CDH13: variants seen among roughly 807,000 people sequenced by gnomAD.
The protein encoded by CDH13 is cadherin 13.
A neutral mutation model predicts 63.8 loss-of-function variants in CDH13; 24 were observed. That is an observed-to-expected ratio of 0.38 (90% CI 0.27 to 0.53). The LOEUF is 0.53. Among genes scored for constraint, CDH13 ranks in the 20% least tolerant of loss-of-function variants. CDH13 has a pLI of 0.85. For missense variants in CDH13, 1,049 were observed against 903.1 expected, an observed-to-expected ratio of 1.16 and a Z score of -2.07; for synonymous variants, 503 against 355.3, an observed-to-expected ratio of 1.42 and a Z score of -4.67.
At chr16:83,026,078 C>T (rs900319482) in intron 2 of CDH13, among the ~76,000 whole-genome samples, 1 of 152,194 alleles carries the variant, frequency 6.6e-6, no homozygotes, top group Admixed American at 6.5e-5. Context: ...TATACAAAGA[C>T]CCAATTATGC....
intron 1 of CDH13, among the ~76,000 whole-genome samples, chr16:82,739,057 C>G (rs79265754): frequency 0.014 from 2,176 of 152,310 alleles, 49 homozygotes; most frequent in African/African-American, 0.05. Context: ...AATCCTTGCT[C>G]TTCCCCACCC....
At chr16:83,753,096 C>T (rs957198407) in intron 11 of CDH13, among the ~76,000 whole-genome samples, 4 of 152,148 alleles carry the variant, frequency 2.6e-5, no homozygotes, top group Non-Finnish European at 4.4e-5. Flanking sequence ...ATAATAATCT[C>T]GAACAAGACC....
At chr16:83,774,526 T>G (rs193131128) in intron 11 of CDH13, among the ~76,000 whole-genome samples, 1 of 152,008 alleles carries the variant, frequency 6.6e-6, no homozygotes, top group Non-Finnish European at 1.5e-5. Context: ...GCACGTGCCA[T>G]CATGCCCAGC....
Position 82,644,553 on chromosome 16 carries a change from A to C in CDH13, c.45+17416A>C, listed in dbSNP as rs1482424775. ...CTGGTCCCCAGACCAGGCCCAGTGC[A>C]CGAGTTTGGGTGCTGGAAGGGGAGG... On this transcript the variant is annotated intron_variant, in intron 1 of 13. Transcript: ENST00000567109. This position sits in a 1 kb window ranked among gnomAD's most constrained non-coding sequence, Gnocchi z 5.7. Among the ~76,000 whole-genome samples the C allele has an allele frequency of 6.6e-6, 1 of 152,206 alleles. No individual in the cohort carries two copies. The highest frequency in any genetic ancestry group is 2.4e-5 in the African/African-American group (1 of 41,462).
rs34536219 is a variant in CDH13 at position 83,077,186 on chromosome 16, C to CTTTTTTTTTTTTTTTTTTTTTTTTTTTT, written c.366+44992_366+44993insTTTTTTTTTTTTTTTTTTTTTTTTTTTT. Among the ~76,000 whole-genome samples the CTTTTTTTTTTTTTTTTTTTTTTTTTTTT allele has an allele frequency of 1.3e-3, 78 of 59,176 alleles. 1 individual carries two copies. Among genetic ancestry groups the CTTTTTTTTTTTTTTTTTTTTTTTTTTTT allele is most frequent in the Non-Finnish European group, 1.8e-3 (60 of 33,910 alleles). 38.8% of individuals were successfully genotyped at this position (59,176 alleles called of 152,430 possible). Reference sequence around the variant, plus strand: ...TCTTTTCTTTTCTTTTTTTTCTTTTCTTTTTTTTTTTTTTTTTTTTTTTTG... The same window carrying CTTTTTTTTTTTTTTTTTTTTTTTTTTTT: ...TCTTTTCTTTTCTTTTTTTTCTTTTCTTTTTTTTTTTTTTTTTTTTTTTTTTTTTTTTTTTTTTTTTTTTTTTTTTTTG... On this transcript the variant is annotated intron_variant, in intron 3 of 13. Coordinates refer to ENST00000567109, the MANE Select transcript of CDH13 (RefSeq NM_001257.5).
At position 83,725,136 on chromosome 16, in the gene CDH13, G is replaced by C. The variant is rs117283121; in HGVS notation, c.1539-22972G>C. 4.4e-3 allele frequency among the ~76,000 whole-genome samples: 673 copies of C among 152,320 alleles called. 18 individuals carry two copies. The East Asian group carries it at 0.045, about 10-fold the overall frequency. ...AAAACACTACAATATAACAGCAGCA[G>C]AGAGAAAGGCACATCAGTCAAAGTC... On this transcript the variant is annotated intron_variant, in intron 10 of 13. Coordinates refer to ENST00000567109, the MANE Select transcript of CDH13 (RefSeq NM_001257.5).
At chr16:83,624,387 G>A (rs1431545379) in intron 8 of CDH13, among the ~76,000 whole-genome samples, 1 of 147,816 alleles carries the variant, frequency 6.8e-6, no homozygotes, top group East Asian at 2.0e-4. Flanking sequence ...TTGGCACCAG[G>A]GACCGGTTTC....
At chr16:83,272,979 T>C (rs1488309242) in intron 5 of CDH13, among the ~76,000 whole-genome samples, 1 of 151,900 alleles carries the variant, frequency 6.6e-6, no homozygotes, top group Admixed American at 6.6e-5. Flanking sequence ...AAGCACAATC[T>C]GCTCAGATAA....
intron 10 of CDH13, among the ~76,000 whole-genome samples, chr16:83,714,569 C>G (rs1908604690): frequency 1.3e-5 from 2 of 152,138 alleles, no homozygotes; most frequent in Admixed American, 6.5e-5. Context: ...AAGCTAAAGA[C>G]TTTTACCTAT....
intron 1 of CDH13, among the ~76,000 whole-genome samples, chr16:82,668,967 G>C (rs1912924165): frequency 6.6e-6 from 1 of 152,198 alleles, no homozygotes; most frequent in Admixed American, 6.5e-5. Flanking sequence ...CTAGGGGGCT[G>C]CCCCGGTGTA....
intron 5 of CDH13, among the ~76,000 whole-genome samples, chr16:83,233,574 T>C (rs1274739457): frequency 2.0e-5 from 3 of 152,140 alleles, no homozygotes; most frequent in Middle Eastern, 3.2e-3. Flanking sequence ...AGCATCATTC[T>C]CCGACCTTTT....
At chr16:82,642,144 G>A (rs749718138) in intron 1 of CDH13, among the ~76,000 whole-genome samples, 33 of 150,340 alleles carry the variant, frequency 2.2e-4, no homozygotes, top group African/African-American at 4.9e-4. Flanking sequence ...TTCACTAGTC[G>A]GGGCCCACTG....
intron 7 of CDH13, among the ~76,000 whole-genome samples, chr16:83,571,940 C>T (rs565006849): frequency 2.0e-5 from 3 of 152,076 alleles, no homozygotes; most frequent in Non-Finnish European, 4.4e-5. Flanking sequence ...CTGTCATTTC[C>T]TCTGGACTAA....
chr16:83,707,716 A>G (rs919101029), intron 10 of CDH13, among the ~76,000 whole-genome samples: 5 of 151,942 alleles, frequency 3.3e-5, no homozygotes, highest in Non-Finnish European at 5.9e-5. Context: ...TGGCCGTTCA[A>G]TAAAAAGTCA....
At chr16:83,247,347 G>T (rs185385781) in intron 5 of CDH13, among the ~76,000 whole-genome samples, 65 of 152,302 alleles carry the variant, frequency 4.3e-4, no homozygotes, top group Admixed American at 7.2e-4. Context: ...CAGTGGCTGA[G>T]TTGCAAAGAG....
intron 5 of CDH13, among the ~76,000 whole-genome samples, chr16:83,235,910 A>G (rs1019479478): frequency 3.9e-5 from 6 of 152,188 alleles, no homozygotes; most frequent in Non-Finnish European, 7.3e-5. Context: ...CTAAAGGATT[A>G]AAATATTTTC....
chr16:83,703,272 T>A (rs891152273), intron 10 of CDH13, among the ~76,000 whole-genome samples: 6 of 152,170 alleles, frequency 3.9e-5, no homozygotes, highest in Non-Finnish European at 1.5e-5. Flanking sequence ...GGAATATATC[T>A]CGAAATAATC....
Position 83,632,341 on chromosome 16 carries a change from T to C in CDH13, c.1101+29747T>C, listed in dbSNP as rs139619815. Among the ~76,000 whole-genome samples, 1,243 of 151,834 alleles carry C rather than the reference T, an allele frequency of 8.2e-3. 9 individuals are homozygous for C. Among genetic ancestry groups the C allele is most frequent in the Middle Eastern group, 0.037 (11 of 294 alleles). ...TCCATCAGTCAGCCCCTCTTAGGTA[T>C]TGCACAAGTTCCTTAGATGCTTTGG... On this transcript the variant is annotated intron_variant, in intron 8 of 13. Coordinates refer to ENST00000567109, the MANE Select transcript of CDH13 (RefSeq NM_001257.5).
intron 1 of CDH13, among the ~76,000 whole-genome samples, chr16:82,653,738 T>C (rs1325760072): frequency 2.0e-5 from 3 of 151,682 alleles, no homozygotes; most frequent in Admixed American, 2.0e-4. Flanking sequence ...CTAGGGGGGA[T>C]TTTTCAGCAG....
Sources: allele counts gnomAD v4.1 joint callset (sites outside exome capture counted in the v4.1 genomes callset), GRCh38; gene constraint gnomAD v4.1.1; non-coding constraint Gnocchi (gnomAD v3.1); transcripts MANE v1.5; gene names NCBI Gene and HGNC (gene_info 2026-07-23, HGNC 2026-07-21).